Variants in HYCC1 observed in about 807,000 individuals in gnomAD.
HYCC1 encodes the protein hyccin.
chr7:22,966,678 T>TA, the HYCC1 span, among the ~76,000 whole-genome samples: 9 of 152,318 alleles, frequency 5.9e-5, no homozygotes, highest in East Asian at 1.5e-3. Flanking sequence ...ACCTAGAACT[T>TA]AAAGTTATTT....
the HYCC1 span, among the ~76,000 whole-genome samples, chr7:22,915,174 C>CA: frequency 1.3e-5 from 2 of 152,090 alleles, no homozygotes; most frequent in African/African-American, 4.8e-5. Context: ...CCCAGCATTG[C>CA]AAAAAGGTCC....
the HYCC1 span, among the ~76,000 whole-genome samples, chr7:22,999,665 G>A: frequency 1.3e-5 from 2 of 152,070 alleles, no homozygotes; most frequent in African/African-American, 2.4e-5. Context: ...ATGGGAGGTC[G>A]TATATGCAAA....
At chr7:23,006,237 A>T in the HYCC1 span, among the ~76,000 whole-genome samples, 1 of 152,148 alleles carries the variant, frequency 6.6e-6, no homozygotes, top group South Asian at 2.1e-4. Flanking sequence ...AAAGATAAAT[A>T]TAGAGTTTAT....
the HYCC1 span, among the ~76,000 whole-genome samples, chr7:22,977,812 A>G: frequency 6.6e-6 from 1 of 152,202 alleles, no homozygotes; most frequent in Non-Finnish European, 1.5e-5. Context: ...TACCATACGA[A>G]TTAACATATA....
chr7:22,992,287 T>A, the HYCC1 span, among the ~76,000 whole-genome samples: 456 of 147,954 alleles, frequency 3.1e-3, 3 homozygotes, highest in African/African-American at 0.011. Flanking sequence ...CATTTTTTGG[T>A]CATTCATTCA....
At chr7:22,976,833 G>T in the HYCC1 span, 3 of 1,369,638 alleles carry the variant, frequency 2.2e-6, no homozygotes, top group African/African-American at 2.9e-5. Flanking sequence ...TTTGAATAAA[G>T]AAAAAAAAAG....
the HYCC1 span, among the ~76,000 whole-genome samples, chr7:22,986,409 T>C: frequency 6.6e-6 from 1 of 152,224 alleles, no homozygotes; most frequent in Non-Finnish European, 1.5e-5. Context: ...AATACTATTA[T>C]AGCAAAAACA....
chr7:22,956,586 C>A, the HYCC1 span, among the ~76,000 whole-genome samples: 20 of 151,710 alleles, frequency 1.3e-4, no homozygotes, highest in African/African-American at 4.4e-4. Flanking sequence ...AAAAATCATC[C>A]TATTTAATTG....
the HYCC1 span, among the ~76,000 whole-genome samples, chr7:22,897,542 G>C: frequency 6.6e-6 from 1 of 152,220 alleles, no homozygotes; most frequent in African/African-American, 2.4e-5. Flanking sequence ...CGGCACTGTT[G>C]TGAGAATTAA....
chr7:22,978,305 T>C, the HYCC1 span: 3 of 1,614,092 alleles, frequency 1.9e-6, no homozygotes, highest in East Asian at 4.5e-5. Flanking sequence ...CTTCAATGCA[T>C]CCACTGCTAT....
the HYCC1 span, chr7:22,934,783 G>C: frequency 6.6e-6 from 1 of 152,206 alleles, no homozygotes; most frequent in African/African-American, 2.4e-5. Context: ...GACAACAGGT[G>C]TGAAATGTTG....
chr7:22,941,259 TA>T, the HYCC1 span: 12 of 152,198 alleles, frequency 7.9e-5, no homozygotes, highest in African/African-American at 2.6e-4. Context: ...CTGGAAAAAA[TA>T]TTTTTTTCAG....
the HYCC1 span, chr7:22,938,128 T>C: frequency 6.6e-6 from 1 of 152,192 alleles, no homozygotes; most frequent in Admixed American, 6.5e-5. Context: ...AAAGATAAGA[T>C]TACAAACAAA....
the HYCC1 span, chr7:22,945,119 T>C: frequency 6.2e-6 from 1 of 161,686 alleles, no homozygotes; most frequent in Non-Finnish European, 1.3e-5. Context: ...AGAGAATTCC[T>C]GGAGTTGTGC....
the HYCC1 span, among the ~76,000 whole-genome samples, chr7:22,933,185 C>T: frequency 1.9e-4 from 29 of 152,112 alleles, no homozygotes; most frequent in Admixed American, 2.6e-4. Context: ...TACAACAGTT[C>T]TAGGAAGCTA....
the HYCC1 span, among the ~76,000 whole-genome samples, chr7:22,931,774 G>A: frequency 3.3e-5 from 5 of 152,156 alleles, no homozygotes. Flanking sequence ...GAGGAAAGGT[G>A]ATTACTGTTA....
chr7:22,990,782 T>A, the HYCC1 span, among the ~76,000 whole-genome samples: 3 of 152,118 alleles, frequency 2.0e-5, no homozygotes, highest in African/African-American at 7.2e-5. Context: ...CGCTGGAGAA[T>A]GACATCAACA....
At chr7:22,895,908 G>C in the HYCC1 span, among the ~76,000 whole-genome samples, 1 of 152,180 alleles carries the variant, frequency 6.6e-6, no homozygotes, top group East Asian at 1.9e-4. Flanking sequence ...CATCCAGCTA[G>C]ACAAGCTCTG....
At chr7:22,923,787 T>G in the HYCC1 span, among the ~76,000 whole-genome samples, 2 of 151,878 alleles carry the variant, frequency 1.3e-5, no homozygotes, top group African/African-American at 2.4e-5. Context: ...TATAAACAAC[T>G]GTATGCCAAC....
Sources: allele counts gnomAD v4.1 joint callset (sites outside exome capture counted in the v4.1 genomes callset), GRCh38; gene constraint gnomAD v4.1.1; transcripts MANE v1.5; gene names NCBI Gene and HGNC (gene_info 2026-07-23, HGNC 2026-07-21).